The following DPYD variants were observed in gnomAD, a reference collection of about 807,000 sequenced individuals.
DPYD encodes the protein dihydropyrimidine dehydrogenase [NADP(+)].
Under a neutral mutation model 116.2 loss-of-function variants are expected in DPYD, and 109 were observed. The ratio of observed to expected loss-of-function variants is 0.94; its 90% confidence interval spans 0.80 to 1.10. DPYD has a LOEUF of 1.10. DPYD is among the 50% of genes least tolerant of loss of function. DPYD has a pLI of 0.00. For synonymous variants in DPYD, 440 were observed against 432.0 expected (o/e 1.02, Z -0.23); for missense variants, 1,302 against 1,254.5 (o/e 1.04, Z -0.57).
At chr1:97,372,502 G>C (rs2101508845) in intron 16 of DPYD, among the ~76,000 whole-genome samples, 1 of 152,064 alleles carries the variant, frequency 6.6e-6, no homozygotes, top group African/African-American at 2.4e-5. Context: ...TGTTGTGAGT[G>C]GAACAGAGAA....
intron 8 of DPYD, among the ~76,000 whole-genome samples, chr1:97,599,942 A>G (rs1228188922): frequency 2.0e-5 from 3 of 148,406 alleles, no homozygotes; most frequent in African/African-American, 7.4e-5. Context: ...GCTATTCCAG[A>G]GGCTGAGGCA....
At chr1:97,749,305 CA>C (rs1485286657) in intron 3 of DPYD, among the ~76,000 whole-genome samples, 2 of 152,252 alleles carry the variant, frequency 1.3e-5, no homozygotes, top group African/African-American at 2.4e-5. Context: ...TAATGTTTTA[CA>C]ATTATTTATG....
At chr1:97,319,556 C>A (rs1012628178) in intron 16 of DPYD, among the ~76,000 whole-genome samples, 13 of 139,940 alleles carry the variant, frequency 9.3e-5, no homozygotes, top group South Asian at 2.5e-4. Flanking sequence ...TCTGAATAGA[C>A]CAATAACAGG....
intron 9 of DPYD, among the ~76,000 whole-genome samples, chr1:97,593,832 T>TA (rs2102254614): frequency 6.6e-6 from 1 of 152,324 alleles, no homozygotes; most frequent in East Asian, 1.9e-4. Flanking sequence ...TTCTAACACA[T>TA]ACCTCTGTTA....
chr1:97,888,736 T>C (rs1212010125), intron 1 of DPYD, among the ~76,000 whole-genome samples: 2 of 151,734 alleles, frequency 1.3e-5, no homozygotes, highest in African/African-American at 4.8e-5. Context: ...ATACAAAGTA[T>C]TAAAAGAAAA....
intron 3 of DPYD, among the ~76,000 whole-genome samples, chr1:97,778,188 AAGAGAGAGAGAG>A (rs72197937): frequency 5.6e-5 from 6 of 106,310 alleles, no homozygotes; most frequent in African/African-American, 1.0e-4. Context: ...GAAAGAAAGA[AAGAGAGAGAGAG>A]AGAGAGAGAG....
At chr1:97,603,562 T>C (rs1655396765) in intron 8 of DPYD, among the ~76,000 whole-genome samples, 1 of 152,070 alleles carries the variant, frequency 6.6e-6, no homozygotes, top group African/African-American at 2.4e-5. Context: ...TAAACACACA[T>C]TCCGTAGAAG....
chr1:97,377,862 G>A (rs1386277734), intron 15 of DPYD, among the ~76,000 whole-genome samples: 1 of 152,206 alleles, frequency 6.6e-6, no homozygotes, highest in Non-Finnish European at 1.5e-5. Context: ...TGTCTACATG[G>A]CCAGTGGCAT....
intron 8 of DPYD, among the ~76,000 whole-genome samples, chr1:97,631,073 G>C (rs1657229275): frequency 3.9e-5 from 6 of 152,074 alleles, no homozygotes. Context: ...CTGAGAGCAA[G>C]CTTACTGATT....
At chr1:97,286,887 A>G (rs1308740777) in intron 18 of DPYD, among the ~76,000 whole-genome samples, 2 of 152,154 alleles carry the variant, frequency 1.3e-5, no homozygotes, top group African/African-American at 2.4e-5. Flanking sequence ...AGCTCGGAGT[A>G]GTTTGATCGT....
intron 3 of DPYD, among the ~76,000 whole-genome samples, chr1:97,743,603 T>C (rs1664384752): frequency 6.6e-6 from 1 of 152,110 alleles, no homozygotes; most frequent in Non-Finnish European, 1.5e-5. Context: ...ATCAGAAAGG[T>C]ACTGCATTAC....
At chr1:97,082,567 T>C in intron 21 of DPYD, 97 bp from the exon 22 acceptor site, 1 of 1,397,386 alleles carries the variant, frequency 7.2e-7, no homozygotes, top group Non-Finnish European at 1.0e-6. Flanking sequence ...TATACAATGT[T>C]GCATTATATT....
chr1:97,361,293 G>A (rs1252003222), intron 16 of DPYD, among the ~76,000 whole-genome samples: 1 of 152,160 alleles, frequency 6.6e-6, no homozygotes, highest in Non-Finnish European at 1.5e-5. Flanking sequence ...AACAGGCTCT[G>A]AAATTGAGGC....
chr1:97,714,452 G>T (rs1012600473), intron 5 of DPYD, among the ~76,000 whole-genome samples: 1 of 151,556 alleles, frequency 6.6e-6, no homozygotes, highest in Non-Finnish European at 1.5e-5. Flanking sequence ...CTTGTGATCC[G>T]CCTGCCTCGG....
At chr1:97,399,837 G>A (rs1239571270) in intron 14 of DPYD, among the ~76,000 whole-genome samples, 2 of 152,124 alleles carry the variant, frequency 1.3e-5, no homozygotes, top group Admixed American at 6.6e-5. Context: ...ATCAGCTTAA[G>A]GAGATTTTGG....
intron 16 of DPYD, 81 bp from the exon 17 acceptor site, chr1:97,306,378 G>C: frequency 6.3e-7 from 1 of 1,584,842 alleles, no homozygotes; most frequent in African/African-American, 1.3e-5. Context: ...AGCAAAGCTG[G>C]AGACGTGCAA....
chr1:97,484,415 G>A (rs1305371141), intron 13 of DPYD, among the ~76,000 whole-genome samples: 1 of 152,170 alleles, frequency 6.6e-6, no homozygotes, highest in East Asian at 1.9e-4. Context: ...TAGATGGCTT[G>A]CTTATTTTCA....
chr1:97,194,314 TGGTTTTATAAG>T (rs1244090445), intron 19 of DPYD, among the ~76,000 whole-genome samples: 1 of 152,008 alleles, frequency 6.6e-6, no homozygotes, highest in Non-Finnish European at 1.5e-5. Flanking sequence ...CACAATCTGA[TGGTTTTATAAG>T]GGGCTTTTCC....
At chr1:97,081,798 AG>A (rs1649176917) in intron 22 of DPYD, among the ~76,000 whole-genome samples, 1 of 147,690 alleles carries the variant, frequency 6.8e-6, no homozygotes, top group African/African-American at 2.5e-5. Flanking sequence ...TCACTTCATG[AG>A]GGAAGAATAC....
Sources: allele counts gnomAD v4.1 joint callset (sites outside exome capture counted in the v4.1 genomes callset), GRCh38; gene constraint gnomAD v4.1.1; transcripts MANE v1.5; gene names NCBI Gene and HGNC (gene_info 2026-07-23, HGNC 2026-07-21).